SETDB2: variants seen among roughly 807,000 people sequenced by gnomAD.
SETDB2 encodes the protein SET domain bifurcated histone lysine methyltransferase 2.
SETDB2 carries 56 observed loss-of-function variants against 82.5 expected under a neutral mutation model. The ratio of observed to expected loss-of-function variants is 0.68; its 90% CI spans 0.55 to 0.85. The LOEUF (loss-of-function observed/expected upper bound fraction) is 0.85, where lower values mean the gene tolerates loss of function less well. Among genes scored for constraint, SETDB2 ranks in the 40% least tolerant of loss-of-function variants. The pLI is 0.00. For synonymous variants in SETDB2, 272 were observed against 284.9 expected, an observed-to-expected ratio of 0.95 and a Z score of 0.46; for missense variants, 677 against 816.4, an observed-to-expected ratio of 0.83 and a Z score of 2.08.
chr13:49,469,327 T>C (rs1221320687), intron 5 of SETDB2, among the ~76,000 whole-genome samples: 2 of 152,190 alleles, frequency 1.3e-5, no homozygotes, highest in African/African-American at 4.8e-5. Context: ...TCTACTGTTG[T>C]CCCGCCTACA....
chr13:49,467,922 A>C lies in SETDB2; in HGVS notation c.267A>C (p.Thr89=). The change falls in exon 5 of 14, where the codon ACA becomes ACC. Residue 89 remains threonine, a synonymous_variant. Coordinates refer to ENST00000611815, the MANE Select transcript of SETDB2 (RefSeq NM_001160308.3). ...QENKSNAFPS[T]SCENSFPEDC... ...ACAAATCCAATGCATTTCCCTCTAC[A>C]TCATGTGAAAACTCCTTTCCAGAAG... 6.2e-7 allele frequency: 1 copy of C among 1,610,666 alleles called. No individual in the cohort carries two copies.
In SETDB2 at chr13:49,444,281, A is replaced by G; in HGVS notation, c.-918A>G. 3.0e-6 allele frequency: 1 copy of G among 329,750 alleles called. No homozygotes were observed. Among genetic ancestry groups the G allele is most frequent in the Non-Finnish European group, 6.0e-6 (1 of 166,606 alleles). 20.4% of individuals were successfully genotyped at this position (329,750 alleles called of 1,614,324 possible). ...GTCGGCCTGGTCCCCGGCGGAGGTT[A>G]CGCCTTCCCTCATCCCCGGTAGAGG... On this transcript the variant is annotated 5_prime_UTR_variant, in exon 1 of 14. Coordinates refer to ENST00000611815, the MANE Select transcript of SETDB2 (RefSeq NM_001160308.3).
chr13:49,480,925 C>T (rs774366819), intron 7 of SETDB2, 22 bp from the exon 8 acceptor site: 2 of 1,612,800 alleles, frequency 1.2e-6, no homozygotes, highest in African/African-American at 2.7e-5. Context: ...CTGATTTTCT[C>T]TTTTGCATAT....
At position 49,480,229 on chromosome 13, in the gene SETDB2, G is replaced by T. The variant is rs748607700; in HGVS notation, c.880G>T (p.Ala294Ser). 1.0e-5 allele frequency: 16 copies of T among 1,605,096 alleles called. No homozygotes were observed. The highest frequency in any genetic ancestry group is 5.2e-5 in the Admixed American group (3 of 57,508). The change falls in exon 7 of 14, where the codon GCA becomes TCA. Residue 294 changes from alanine (A) to serine (S), a missense_variant. Ala to Ser is a moderately conservative substitution (Grantham distance 99, BLOSUM62 1). Transcript: ENST00000611815. ...SEGCIDITKC[A>S]CLQLTARNAK... ...TTGCCTGCCTTTTAGAACAAAATGT[G>T]CATGTCTTCAACTGACAGCAAGGAA...
intron 10 of SETDB2, 134 bp downstream of exon 10, chr13:49,483,697 C>G (rs1958530628): frequency 2.3e-6 from 1 of 435,576 alleles, no homozygotes; most frequent in Non-Finnish European, 4.0e-6. Context: ...GGCACAGTCA[C>G]AGCTCACTGC....
chr13:49,462,175 T>C (rs765037833), intron 4 of SETDB2, among the ~76,000 whole-genome samples: 1 of 152,120 alleles, frequency 6.6e-6, no homozygotes, highest in Non-Finnish European at 1.5e-5. Flanking sequence ...CATCAGCCCA[T>C]TGGTGATTTG....
Position 49,475,488 on chromosome 13 carries a change from C to T in SETDB2, c.306-988C>T, listed in dbSNP as rs369301962. 1.7e-3 allele frequency among the ~76,000 whole-genome samples: 249 copies of T among 150,778 alleles called. 2 individuals carry two copies. Among genetic ancestry groups the T allele is most frequent in the African/African-American group, 5.8e-3 (237 of 40,806 alleles). On this transcript the variant is annotated intron_variant, in intron 5 of 13. Transcript: ENST00000611815. The stretch of plus-strand genomic sequence containing the variant: ...TTTCCAAACAAAAGGAAGCTTTTCA[C>T]GGATTTTTTTTTTTTTAAGACAGGA...
chr13:49,476,999 T>G lies in SETDB2; in HGVS notation c.829T>G (p.Phe277Val). The G allele has an allele frequency of 1.2e-6, 2 of 1,610,728 alleles. No individual in the cohort carries two copies. The highest frequency in any genetic ancestry group is 1.7e-6 in the Non-Finnish European group (2 of 1,179,406). Reference sequence around the variant, plus strand: ...TAATCTAACCAACTTTTCCAGCATGTTTACTGATTCCTGTGACTGCTCTGA... The same window carrying G: ...TAATCTAACCAACTTTTCCAGCATGGTTACTGATTCCTGTGACTGCTCTGA... ...AYNLTNFSSMFTDSCDCSEGC... is the reference protein window; with the variant it reads ...AYNLTNFSSMVTDSCDCSEGC... The change falls in exon 6 of 14, where the codon TTT becomes GTT. Residue 277 changes from phenylalanine to valine, a missense_variant. Transcript: ENST00000611815.
chr13:49,468,105 AAGAT>A (rs1449596957), intron 5 of SETDB2, 145 bp downstream of exon 5: 1 of 477,468 alleles, frequency 2.1e-6, no homozygotes, highest in East Asian at 3.4e-5. Context: ...TATTTTATGT[AAGAT>A]AGAATTTCAT....
chr13:49,447,999 T>TA (rs942649262), intron 1 of SETDB2, among the ~76,000 whole-genome samples: 10 of 151,238 alleles, frequency 6.6e-5, no homozygotes, highest in African/African-American at 1.2e-4. Flanking sequence ...TCATATCTCA[T>TA]AAAAAAAAAT....
intron 5 of SETDB2, 149 bp from the exon 6 acceptor site, chr13:49,476,327 T>C: frequency 1.6e-6 from 1 of 638,658 alleles, no homozygotes; most frequent in East Asian, 2.9e-5. Flanking sequence ...GATATAATCT[T>C]TGTATGGCTG....
In SETDB2 at chr13:49,461,134, T is replaced by C; in HGVS notation, c.180T>C (p.Thr60=). The change falls in exon 4 of 14, where the codon ACT becomes ACC. Residue 60 remains threonine, a synonymous_variant. Coordinates refer to ENST00000611815, the MANE Select transcript of SETDB2 (RefSeq NM_001160308.3). Reference sequence around the variant, plus strand: ...CAATGATTCTAGTGAATGAAGCAACTATAATTAACAGTTCAACATCAATAA... The same window carrying C: ...CAATGATTCTAGTGAATGAAGCAACCATAATTAACAGTTCAACATCAATAA... ...IQAMILVNEA[T]IINSSTSIKD... is the part of the protein sequence containing the mutation. 2 of 1,611,024 alleles carry C rather than the reference T, an allele frequency of 1.2e-6. No individual in the cohort carries two copies. Among genetic ancestry groups the C allele is most frequent in the Non-Finnish European group, 1.7e-6 (2 of 1,177,558 alleles).
Position 49,492,887 on chromosome 13 carries a change from G to A in SETDB2, c.*1038G>A, listed in dbSNP as rs1445986877. On this transcript the variant is annotated 3_prime_UTR_variant, in exon 14 of 14. Coordinates refer to ENST00000611815, the MANE Select transcript of SETDB2 (RefSeq NM_001160308.3). ...TGGGAGGATCATTTGAGCTCAGAAG[G>A]TCAAGGCTGCAATGAGACATAATTT... The A allele has an allele frequency of 6.6e-6, 1 of 152,022 alleles. No homozygotes were observed. Among genetic ancestry groups the A allele is most frequent in the African/African-American group, 2.4e-5 (1 of 41,386 alleles). 9.4% of individuals were successfully genotyped at this position (152,022 alleles called of 1,614,324 possible).
At chr13:49,446,681 T>C (rs1027154258) in intron 1 of SETDB2, among the ~76,000 whole-genome samples, 3 of 152,216 alleles carry the variant, frequency 2.0e-5, no homozygotes, top group African/African-American at 7.2e-5. Context: ...ATGACTGAAT[T>C]GATCTGTTAA....
At position 49,461,078 on chromosome 13, in the gene SETDB2, G is replaced by T; in HGVS notation, c.143-19G>T. 1 of 1,597,920 alleles carries T rather than the reference G, an allele frequency of 6.3e-7. No homozygotes were observed. The highest frequency in any genetic ancestry group is 1.1e-5 in the South Asian group (1 of 90,220). On this transcript the variant is annotated intron_variant, in intron 3 of 13. Coordinates refer to ENST00000611815, the MANE Select transcript of SETDB2 (RefSeq NM_001160308.3). ...CATAAATAAAGGTAATGGTGATGCT[G>T]TTTTTCTGTCTTTAACAGAATACAT...
rs1405792716 is a variant in SETDB2, at chr13:49,451,480, T to C, written c.-341-73T>C. ...AATATCTTATTTCCTTATATATACA[T>C]ATATATATATATATATATATATATA... On this transcript the variant is annotated intron_variant, in intron 1 of 13. Coordinates refer to ENST00000611815, the MANE Select transcript of SETDB2 (RefSeq NM_001160308.3). 1.2e-3 allele frequency: 12 copies of C among 9,914 alleles called. No homozygotes were observed. The African/African-American group carries it at 0.013, about 10-fold the overall frequency. 0.6% of individuals were successfully genotyped at this position (9,914 alleles called of 1,614,324 possible).
Position 49,482,756 on chromosome 13 carries a change from T to C in SETDB2, c.1176T>C (p.Ala392=), listed in dbSNP as rs763033103. The C allele has an allele frequency of 1.2e-6, 2 of 1,610,672 alleles. No individual in the cohort carries two copies. The highest frequency in any genetic ancestry group is 2.2e-5 in the South Asian group (2 of 90,764). The part of the protein sequence containing the change: ...CIYSGRLLSR[A]NTEKSYGIDE... ...TTTTAGGAAGATTACTAAGCAGAGC[T>C]AACACTGAAAAATCTTATGGTATTG... The change falls in exon 9 of 14, where the codon GCT becomes GCC. Residue 392 remains alanine (A), a synonymous_variant. Transcript: ENST00000611815.
chr13:49,490,639 G>A (rs1378819238), intron 12 of SETDB2, among the ~76,000 whole-genome samples, 183 bp from the exon 13 acceptor site: 3 of 152,166 alleles, frequency 2.0e-5, no homozygotes, highest in East Asian at 1.9e-4. Context: ...ATAGAAGAGC[G>A]TCAGAACAGG....
chr13:49,480,601 C>G (rs902683744), intron 7 of SETDB2, among the ~76,000 whole-genome samples: 2 of 152,128 alleles, frequency 1.3e-5, no homozygotes, highest in African/African-American at 4.8e-5. Flanking sequence ...CTTTGGGCAG[C>G]CATTTCTCCG....
Sources: allele counts gnomAD v4.1 joint callset (sites outside exome capture counted in the v4.1 genomes callset), GRCh38; gene constraint gnomAD v4.1.1; transcripts MANE v1.5; gene names NCBI Gene and HGNC (gene_info 2026-07-23, HGNC 2026-07-21).